HTRA1: variants seen among roughly 807,000 people sequenced by gnomAD.
HTRA1 encodes serine protease HTRA1.
Under a neutral mutation model 49.7 loss-of-function variants are expected in HTRA1, and 26 were observed. The ratio of observed to expected loss-of-function variants is 0.52; its 90% CI spans 0.38 to 0.73. The LOEUF is 0.73. Ranked by LOEUF, HTRA1 falls within the 30% of genes least tolerant of loss-of-function variation. HTRA1 has a pLI of 0.00. For missense variants in HTRA1, 561 were observed against 667.2 expected (o/e 0.84, Z 1.75); for synonymous variants, 291 against 286.9 (o/e 1.01, Z -0.14).
rs375931183 is a variant in HTRA1, at chr10:122,506,907, G to T, written c.972+22G>T. The T allele has an allele frequency of 1.4e-5, 23 of 1,607,756 alleles. No individual in the cohort carries two copies. The highest frequency in any genetic ancestry group is 1.9e-5 in the Non-Finnish European group (22 of 1,175,818). On this transcript the variant is annotated intron_variant, in intron 4 of 8. Transcript: ENST00000368984. The surrounding 1 kb of genome is among the most constrained non-coding windows in gnomAD (Gnocchi z 5.2). ...CAACGTGAGCCTCTGTCCCTCTGCG[G>T]GTGGGGATTGGGGCAGAGTTTTGCC...
intron 3 of HTRA1, among the ~76,000 whole-genome samples, chr10:122,492,409 C>T (rs1038411622): frequency 1.3e-5 from 2 of 152,214 alleles, no homozygotes; most frequent in Non-Finnish European, 2.9e-5. Flanking sequence ...TCTCCGCTCA[C>T]TGCAACCTCC....
At chr10:122,462,975 C>G (rs1035072789) in intron 1 of HTRA1, among the ~76,000 whole-genome samples, 3 of 152,234 alleles carry the variant, frequency 2.0e-5, no homozygotes, top group African/African-American at 7.2e-5. Flanking sequence ...CGGGACCTTC[C>G]GGAGAGATGC....
chr10:122,501,641 C>T (rs992373238), intron 3 of HTRA1, among the ~76,000 whole-genome samples: 5 of 152,158 alleles, frequency 3.3e-5, no homozygotes, highest in Admixed American at 6.5e-5. Flanking sequence ...AGGGGAGCCA[C>T]GTTCCCTCCT....
At chr10:122,508,909 C>A in intron 6 of HTRA1, 139 bp downstream of exon 6, 1 of 666,766 alleles carries the variant, frequency 1.5e-6, no homozygotes, top group South Asian at 1.6e-5. Context: ...AACGGGAATG[C>A]ACATTACTAA....
At position 122,461,562 on chromosome 10, in the gene HTRA1, C is replaced by T; in HGVS notation, c.-91C>T. 1.4e-6 allele frequency: 1 copy of T among 728,718 alleles called. No homozygotes were observed. The highest frequency in any genetic ancestry group is 1.9e-6 in the Non-Finnish European group (1 of 522,676). 45.1% of individuals were successfully genotyped at this position (728,718 alleles called of 1,614,324 possible). ...CCGCGCGGCCGCGCGCACTCGCACCCGCTGCCCCCGAGGCCCTCCTGCACT... is the reference window on the plus strand; with the variant it reads ...CCGCGCGGCCGCGCGCACTCGCACCTGCTGCCCCCGAGGCCCTCCTGCACT... On this transcript the variant is annotated 5_prime_UTR_variant, in exon 1 of 9. Transcript: ENST00000368984.
intron 1 of HTRA1, among the ~76,000 whole-genome samples, chr10:122,484,886 C>G (rs2097492465): frequency 6.6e-6 from 1 of 152,204 alleles, no homozygotes; most frequent in South Asian, 2.1e-4. Flanking sequence ...GTCCCCTGAA[C>G]CCCTTGGAGA....
In HTRA1 at chr10:122,496,225, GTTCTTTTTTTTTTTTT is replaced by G. The variant is rs1193969027; in HGVS notation, c.777+6602_777+6617del. On this transcript the variant is annotated intron_variant, in intron 3 of 8. Transcript: ENST00000368984. ...CCCTTTCGTTTGCCAGAGATTGTGGGTTCTTTTTTTTTTTTTTTTTTTTTTTTTTTTTTTGCAGAGA... is the reference window on the plus strand; with the variant it reads ...CCCTTTCGTTTGCCAGAGATTGTGGGTTTTTTTTTTTTTTTTTTGCAGAGA... 7.2e-3 allele frequency among the ~76,000 whole-genome samples: 583 copies of G among 80,418 alleles called. 38 individuals carry two copies. The highest frequency in any genetic ancestry group is 0.025 in the African/African-American group (501 of 19,672). The allele number at this position is 80,418 out of a possible 152,430, so 52.8% of individuals were successfully genotyped here. A position where few individuals can be genotyped will look rare whatever the true frequency, so the allele number is the denominator to read the frequency against.
intron 7 of HTRA1, among the ~76,000 whole-genome samples, chr10:122,511,099 C>T (rs926989483): frequency 6.6e-6 from 1 of 152,200 alleles, no homozygotes; most frequent in Admixed American, 6.5e-5. Flanking sequence ...GTTTCCTCCT[C>T]TTCAGGATAG....
intron 1 of HTRA1, among the ~76,000 whole-genome samples, chr10:122,476,539 G>C (rs1247871611): frequency 2.0e-5 from 3 of 152,202 alleles, no homozygotes; most frequent in Admixed American, 1.3e-4. Flanking sequence ...CAGTGGCGGG[G>C]ACCCTGCATT....
intron 1 of HTRA1, among the ~76,000 whole-genome samples, chr10:122,467,616 C>G (rs1477107995): frequency 6.6e-6 from 1 of 152,008 alleles, no homozygotes; most frequent in Non-Finnish European, 1.5e-5. Context: ...GCTGAAGTCC[C>G]CGGGAGACCA....
chr10:122,489,945 G>A (rs1450578671), intron 3 of HTRA1, among the ~76,000 whole-genome samples: 1 of 152,156 alleles, frequency 6.6e-6, no homozygotes, highest in African/African-American at 2.4e-5. Flanking sequence ...TCCCAATCCT[G>A]TGGCAACTCT....
intron 3 of HTRA1, among the ~76,000 whole-genome samples, chr10:122,500,317 G>A (rs537628804): frequency 1.4e-4 from 22 of 152,290 alleles, no homozygotes; most frequent in South Asian, 8.3e-4. Context: ...GATTTATTGG[G>A]GACCCTGTTG....
At chr10:122,470,822 C>A (rs2097485786) in intron 1 of HTRA1, among the ~76,000 whole-genome samples, 1 of 152,026 alleles carries the variant, frequency 6.6e-6, no homozygotes, top group Non-Finnish European at 1.5e-5. Context: ...ATAGTGAAGC[C>A]AGAAGGATGG....
rs1041537583 is a variant in HTRA1 at position 122,487,382 on chromosome 10, A to G, written c.473-1520A>G. ...GCTAAGGCTGCACTTCCAGGGACAC[A>G]CTGCCTCTGCCACCACCCGTGCCAC... On this transcript the variant is annotated intron_variant, in intron 1 of 8. Coordinates refer to ENST00000368984, the MANE Select transcript of HTRA1 (RefSeq NM_002775.5). The surrounding 1 kb of genome is among the most constrained non-coding windows in gnomAD (Gnocchi z 4.8). Among the ~76,000 whole-genome samples, 1 of 152,198 alleles carries G rather than the reference A, an allele frequency of 6.6e-6. No homozygotes were observed. The highest frequency in any genetic ancestry group is 1.5e-5 in the Non-Finnish European group (1 of 68,042).
At chr10:122,513,027 G>A (rs1343029302) in intron 8 of HTRA1, among the ~76,000 whole-genome samples, 1 of 152,212 alleles carries the variant, frequency 6.6e-6, no homozygotes, top group Non-Finnish European at 1.5e-5. Context: ...AGTGTCCACT[G>A]TAATTTGGTT....
chr10:122,488,247 C>T (rs561856743), intron 1 of HTRA1, among the ~76,000 whole-genome samples: 6 of 152,120 alleles, frequency 3.9e-5, no homozygotes, highest in South Asian at 2.1e-4. Flanking sequence ...AGGGAAGGGA[C>T]GCAGGCAGAG....
rs141384850 is a variant in HTRA1 at position 122,508,586 on chromosome 10, A to G, written c.1006-70A>G. 3.7e-3 allele frequency: 3,678 copies of G among 984,492 alleles called. 20 individuals carry two copies. The highest frequency in any genetic ancestry group is 5.2e-3 in the South Asian group (406 of 78,078). The allele number at this position is 984,492 out of a possible 1,614,324, so 61.0% of individuals were successfully genotyped here. On this transcript the variant is annotated intron_variant, in intron 5 of 8. Coordinates refer to ENST00000368984, the MANE Select transcript of HTRA1 (RefSeq NM_002775.5). ...TAGCTCAGGGACTTCTTTCAGGCAT[A>G]TTCTCTCTGGGTGTGTACCTGCCGG...
intron 1 of HTRA1, among the ~76,000 whole-genome samples, chr10:122,480,675 C>T (rs376246668): frequency 3.9e-5 from 6 of 152,072 alleles, no homozygotes; most frequent in Admixed American, 1.3e-4. Flanking sequence ...CAGCCCTGTG[C>T]TCTGGAGGGA....
chr10:122,505,335 A>ACTC (rs1419626457), intron 3 of HTRA1, among the ~76,000 whole-genome samples: 10 of 151,466 alleles, frequency 6.6e-5, no homozygotes, highest in African/African-American at 2.4e-4. Flanking sequence ...TAGGTCTTGG[A>ACTC]CTCTGTCTTC....
Sources: gnomAD v4.1 joint callset for allele counts (sites outside exome capture counted in the v4.1 genomes callset) on GRCh38, gnomAD v4.1.1 for gene constraint, Gnocchi (gnomAD v3.1) non-coding constraint, MANE v1.5 for transcripts, NCBI Gene and HGNC (gene_info 2026-07-23, HGNC 2026-07-21) for gene names.